RAD21: variants seen among roughly 807,000 people sequenced by gnomAD.
The protein encoded by RAD21 is RAD21 cohesin complex component, also known as double-strand-break repair protein rad21 homolog.
In RAD21, 18 loss-of-function variants were observed where a neutral mutation model predicts 71.5. The observed-to-expected ratio is 0.25, with a 90% CI of 0.17 to 0.37. The LOEUF is 0.37. Among genes scored for constraint, RAD21 ranks in the 10% least tolerant of loss-of-function variants. The pLI, the probability that RAD21 is intolerant of heterozygous loss-of-function variation, is 1.00. For synonymous variants in RAD21, 248 were observed against 254.0 expected (o/e 0.98, Z 0.22); for missense variants, 493 against 769.1 (o/e 0.64, Z 4.25).
intron 1 of RAD21, chr8:116,874,154 G>GCACCGCGGGCGCCGGGCCCGC (rs1357047853): frequency 1.1e-3 from 171 of 149,756 alleles, no homozygotes; most frequent in African/African-American, 3.5e-3. Context: ...CCCGGGGCTG[G>GCACCGCGGGCGCCGGGCCCGC]CACCGCGGGC....
chr8:116,867,589 G>T (rs1277573057), intron 1 of RAD21, among the ~76,000 whole-genome samples: 2 of 152,072 alleles, frequency 1.3e-5, no homozygotes, highest in East Asian at 3.9e-4. Context: ...CCTCTTTCAC[G>T]GATTTAAAAG....
chr8:116,869,250 A>C (rs1324227725), intron 1 of RAD21, among the ~76,000 whole-genome samples: 1 of 152,218 alleles, frequency 6.6e-6, no homozygotes, highest in Non-Finnish European at 1.5e-5. Flanking sequence ...AGAATTCTTA[A>C]AACTTCAGGG....
chr8:116,847,653 C>G lies in RAD21; in HGVS notation c.1743G>C (p.Leu581Phe), dbSNP rs1184663541. ...TGTTCGTATTTCGACATAACTCAAG[C>G]AAACTGATAGATTCAGCTCCAGTTT... ...LAKTGAESISLLELCRNTNRK... is the reference protein window; with the variant it reads ...LAKTGAESISFLELCRNTNRK... The change falls in exon 14 of 14, where the codon TTG (leucine) becomes TTC (phenylalanine). Residue 581 changes from leucine to phenylalanine, a missense_variant. By Grantham distance (22) the Leu-to-Phe change is conservative (BLOSUM62 0). Transcript: ENST00000297338. 6.2e-7 allele frequency: 1 copy of G among 1,613,904 alleles called. No homozygotes were observed.
In RAD21 at chr8:116,858,224, T is replaced by C. The variant is rs16888944; in HGVS notation, c.481+128A>G. The stretch of plus-strand genomic sequence containing the variant: ...TCTACTGGTAGAAAGCCAAATTCTT[T>C]TCTTGATGAAAATGCATTACATGAA... On this transcript the variant is annotated intron_variant, in intron 5 of 13. Coordinates refer to ENST00000297338, the MANE Select transcript of RAD21 (RefSeq NM_006265.3). The C allele has an allele frequency of 1.3e-3, 905 of 689,618 alleles. 8 individuals are homozygous for C. In the African/African-American group the frequency reaches 0.015, roughly 11 times the overall value. The allele number at this position is 689,618 out of a possible 1,614,324, so 42.7% of individuals were successfully genotyped here.
intron 4 of RAD21, among the ~76,000 whole-genome samples, chr8:116,859,075 T>TC (rs1812530093): frequency 6.7e-6 from 1 of 149,882 alleles, no homozygotes; most frequent in Non-Finnish European, 1.5e-5. Flanking sequence ...TTGTAGACTT[T>TC]GTTTAGCCTC....
chr8:116,860,795 T>A (rs1812576777), intron 4 of RAD21, among the ~76,000 whole-genome samples: 2 of 152,150 alleles, frequency 1.3e-5, no homozygotes, highest in South Asian at 4.1e-4. Flanking sequence ...ATAATTTTTT[T>A]AAAGGTGTGA....
At chr8:116,862,053 A>T (rs1812602756) in intron 3 of RAD21, 113 bp from the exon 4 acceptor site, 1 of 726,162 alleles carries the variant, frequency 1.4e-6, no homozygotes, top group African/African-American at 1.8e-5. Flanking sequence ...AAAGGTTGAT[A>T]ACATATGCAA....
At chr8:116,850,567 CTGGT>C in intron 12 of RAD21, 47 bp downstream of exon 12, 1 of 1,580,468 alleles carries the variant, frequency 6.3e-7, no homozygotes, top group Non-Finnish European at 8.6e-7. Flanking sequence ...AAAAATAAAG[CTGGT>C]TGGAGGTTTT....
intron 12 of RAD21, chr8:116,849,251 C>G: frequency 2.4e-6 from 1 of 420,256 alleles, no homozygotes; most frequent in Non-Finnish European, 4.2e-6. Context: ...TGCAAGCAAA[C>G]ATTTGGCTGA....
In RAD21 at chr8:116,850,764, G is replaced by T; in HGVS notation, c.1474C>A (p.Gln492Lys). The T allele has an allele frequency of 6.3e-7, 1 of 1,580,910 alleles. No individual in the cohort carries two copies. The highest frequency in any genetic ancestry group is 8.7e-7 in the Non-Finnish European group (1 of 1,150,176). ...GGTATTTCCATCTGCTCTACCTGCT[G>T]AGGCTTAAAGCAATACAAATAAGAC... is the stretch of plus-strand genomic sequence containing the variant. ...QIDPEPVMPP[Q>K]QVEQMEIPPV... The change falls in exon 12 of 14, where the codon CAG becomes AAG. Residue 492 changes from glutamine to lysine, a missense_variant. This residue lies in a region of RAD21 where 225 missense variants were observed against 218.3 expected (regional missense o/e 1.03). Coordinates refer to ENST00000297338, the MANE Select transcript of RAD21 (RefSeq NM_006265.3).
rs1359492201 is a variant in RAD21, at chr8:116,856,728, A to G, written c.732T>C (p.Asp244=). Residue 244 remains aspartate (D), a synonymous_variant, in exon 7 of 14, where the codon GAT becomes GAC. Coordinates refer to ENST00000297338, the MANE Select transcript of RAD21 (RefSeq NM_006265.3). ...ISNNDGGIFD[D]PPALSEAGVM... ...CCCCTGCCTCAGAGAGGGCAGGGGG[A>G]TCATCAAAGATACCGCCATCATTAT... 9 of 1,561,956 alleles carry G rather than the reference A, an allele frequency of 5.8e-6. No homozygotes were observed. Among genetic ancestry groups the G allele is most frequent in the South Asian group, 1.2e-5 (1 of 82,314 alleles).
At chr8:116,851,645 A>AAG in intron 11 of RAD21, 2 of 230,876 alleles carry the variant, frequency 8.7e-6, no homozygotes, top group Non-Finnish European at 1.7e-5. Flanking sequence ...CCTAGTACTG[A>AAG]AGGTGTGCAG....
intron 10 of RAD21, 73 bp from the exon 11 acceptor site, chr8:116,852,169 TAA>T: frequency 1.5e-6 from 2 of 1,320,210 alleles, no homozygotes; most frequent in Non-Finnish European, 2.1e-6. Flanking sequence ...ATTTATTTTT[TAA>T]ACTAGTACAC....
chr8:116,866,459 A>C, intron 2 of RAD21, 127 bp downstream of exon 2: 1 of 773,444 alleles, frequency 1.3e-6, no homozygotes. Context: ...TCACATAATA[A>C]AGAAACATTT....
In RAD21 at chr8:116,852,014, C is replaced by A; in HGVS notation, c.1404G>T (p.Met468Ile). Residue 468 changes from methionine (M) to isoleucine (I), a missense_variant, in exon 11 of 14, where the codon ATG becomes ATT. This residue lies in a region of RAD21 where 225 missense variants were observed against 218.3 expected (regional missense o/e 1.03). Coordinates refer to ENST00000297338, the MANE Select transcript of RAD21 (RefSeq NM_006265.3). ...TAACTCCCTGAGGTGGTGGTGGAGG[C>A]ATAGCTGACTCATCTATGTTTGTTC... The part of the protein sequence containing the change: ...ASRTNIDESA[M>I]PPPPPQGVKR... 1 of 1,613,292 alleles carries A rather than the reference C, an allele frequency of 6.2e-7. No individual in the cohort carries two copies. The highest frequency in any genetic ancestry group is 8.5e-7 in the Non-Finnish European group (1 of 1,179,338).
chr8:116,864,892 C>G (rs1249656361), intron 2 of RAD21, among the ~76,000 whole-genome samples: 1 of 152,066 alleles, frequency 6.6e-6, no homozygotes, highest in African/African-American at 2.4e-5. Flanking sequence ...TCTGGGAAAG[C>G]TCTGCAAATA....
intron 8 of RAD21, among the ~76,000 whole-genome samples, chr8:116,855,252 G>C (rs1812438177): frequency 6.6e-6 from 1 of 151,980 alleles, no homozygotes; most frequent in Non-Finnish European, 1.5e-5. Context: ...AACCCAAAAG[G>C]GTAATCTTGC....
intron 10 of RAD21, 173 bp from the exon 11 acceptor site, chr8:116,852,269 T>A: frequency 1.4e-6 from 1 of 695,190 alleles, no homozygotes; most frequent in Non-Finnish European, 2.3e-6. Flanking sequence ...GCAATATACG[T>A]AAAGGGGAAA....
At chr8:116,862,353 T>C (rs925338158) in intron 3 of RAD21, among the ~76,000 whole-genome samples, 1 of 152,094 alleles carries the variant, frequency 6.6e-6, no homozygotes, top group African/African-American at 2.4e-5. Context: ...TTGTCTATAA[T>C]AAATATGCCT....
Sources: allele counts gnomAD v4.1 joint callset (sites outside exome capture counted in the v4.1 genomes callset), GRCh38; gene constraint gnomAD v4.1.1; regional missense constraint gnomAD v4.1.1; transcripts MANE v1.5; gene names NCBI Gene and HGNC (gene_info 2026-07-23, HGNC 2026-07-21).